The following LAMA1 variants were observed in gnomAD, a reference collection of about 807,000 sequenced individuals.
LAMA1 encodes laminin subunit alpha 1.
LAMA1 carries 219 observed loss-of-function variants against 348.7 expected under a neutral mutation model. That is an observed-to-expected ratio of 0.63 (90% CI 0.56 to 0.70). The LOEUF (loss-of-function observed/expected upper bound fraction) is 0.70, where lower values mean the gene tolerates loss of function less well. LAMA1 is among the 30% of genes least tolerant of loss of function. LAMA1 has a pLI of 0.00. For missense variants in LAMA1, 3,744 were observed against 3,888.0 expected, an observed-to-expected ratio of 0.96 and a Z score of 0.99; for synonymous variants, 1,487 against 1,491.0, an observed-to-expected ratio of 1.00 and a Z score of 0.06.
chr18:6,999,918 A>G lies in LAMA1; in HGVS notation c.4462T>C (p.Cys1488Arg). The G allele has an allele frequency of 8.7e-6, 14 of 1,614,058 alleles. No homozygotes were observed. Among genetic ancestry groups the G allele is most frequent in the Non-Finnish European group, 1.1e-5 (13 of 1,179,902 alleles). Residue 1488 changes from cysteine to arginine, a missense_variant, in exon 31 of 63, where the codon TGT (cysteine) becomes CGT (arginine). By Grantham distance (180) the Cys-to-Arg change is radical. This residue lies in a region of LAMA1 where 1,983 missense variants were observed against 1,934.3 expected (regional missense o/e 1.03). Transcript: ENST00000389658. ...GACAATCCACCCATGTACCTTTCAC[A>G]GTGTTTTCCTTCATAGCCCAGGAGA... ...ACLLGYEGKH[C>R]ERCSSSYYGN...
rs924620693 is a variant in LAMA1, at chr18:6,973,285, C to G, written c.6624-78G>C. 22 of 1,349,984 alleles carry G rather than the reference C, an allele frequency of 1.6e-5. No homozygotes were observed. The African/African-American group carries it at 2.5e-4, about 15-fold the overall frequency. The allele number at this position is 1,349,984 out of a possible 1,614,324, so 83.6% of individuals were successfully genotyped here. A position where few individuals can be genotyped will look rare whatever the true frequency, so the allele number is the denominator to read the frequency against. Reference sequence around the variant, plus strand: ...ACATACAATCCCGTTTCCTTCACACCCACCATCTGCTTCTCCCCAAGGGCC... The same window carrying G: ...ACATACAATCCCGTTTCCTTCACACGCACCATCTGCTTCTCCCCAAGGGCC... On this transcript the variant is annotated intron_variant, in intron 46 of 62. Coordinates refer to ENST00000389658, the MANE Select transcript of LAMA1 (RefSeq NM_005559.4).
chr18:7,111,807 T>C (rs2058337014), intron 1 of LAMA1, among the ~76,000 whole-genome samples: 1 of 152,222 alleles, frequency 6.6e-6, no homozygotes, highest in African/African-American at 2.4e-5. Flanking sequence ...CATCCAAATA[T>C]TTCTGAAGAA....
intron 12 of LAMA1, 118 bp downstream of exon 12, chr18:7,037,460 T>C (rs2058000263): frequency 4.5e-6 from 5 of 1,102,762 alleles, no homozygotes; most frequent in Non-Finnish European, 5.6e-6. Flanking sequence ...GGCTATGAAA[T>C]GCTGTCCAAC....
At chr18:7,002,158 G>T in intron 30 of LAMA1, 106 bp downstream of exon 30, 1 of 1,423,894 alleles carries the variant, frequency 7.0e-7, no homozygotes, top group Non-Finnish European at 9.6e-7. Flanking sequence ...GCAACCAATG[G>T]AGAATATTCA....
At chr18:7,063,206 T>C (rs2058109548) in intron 3 of LAMA1, among the ~76,000 whole-genome samples, 1 of 152,176 alleles carries the variant, frequency 6.6e-6, no homozygotes, top group Admixed American at 6.5e-5. Context: ...GTGTGTAAAA[T>C]TTCACTTTTT....
intron 55 of LAMA1, chr18:6,957,435 T>C (rs1369427900): frequency 6.5e-6 from 1 of 154,094 alleles, no homozygotes; most frequent in Non-Finnish European, 1.4e-5. Flanking sequence ...GCTCTGACAT[T>C]ATGATTGTAT....
chr18:7,038,645 A>C, intron 11 of LAMA1, 165 bp downstream of exon 11: 1 of 883,486 alleles, frequency 1.1e-6, no homozygotes, highest in Non-Finnish European at 1.9e-6. Context: ...CCTATAAAGA[A>C]TCTTGAGAGG....
intron 44 of LAMA1, among the ~76,000 whole-genome samples, chr18:6,976,444 T>C (rs943630995): frequency 3.3e-5 from 5 of 152,180 alleles, no homozygotes; most frequent in African/African-American, 7.2e-5. Context: ...AGAGGTAATA[T>C]ATTTATTCAC....
chr18:7,026,801 C>A (rs1294277685), intron 16 of LAMA1, among the ~76,000 whole-genome samples: 1 of 151,994 alleles, frequency 6.6e-6, no homozygotes, highest in Admixed American at 6.6e-5. Flanking sequence ...ATCAACACAA[C>A]CCTGGCTAAC....
intron 1 of LAMA1, among the ~76,000 whole-genome samples, chr18:7,110,164 G>C (rs1165231871): frequency 6.6e-6 from 1 of 150,894 alleles, no homozygotes; most frequent in Non-Finnish European, 1.5e-5. Context: ...CTGGGTGACA[G>C]AGCAAGACTC....
intron 20 of LAMA1, 58 bp from the exon 21 acceptor site, chr18:7,016,729 T>C: frequency 7.0e-7 from 1 of 1,432,944 alleles, no homozygotes; most frequent in Non-Finnish European, 9.5e-7. Flanking sequence ...AAATGACTCC[T>C]CATATTAGTA....
rs370878013 is a variant in LAMA1 at position 6,958,671 on chromosome 18, C to T, written c.7779-9G>A. The stretch of plus-strand genomic sequence containing the variant: ...ATTGGACAGTGATAATTCTAAAAGA[C>T]CAATGGAGAAAATAAATGAAAAGCT... On this transcript the variant is annotated splice_polypyrimidine_tract_variant and intron_variant, in intron 54 of 62. Transcript: ENST00000389658. 1 of 1,606,786 alleles carries T rather than the reference C, an allele frequency of 6.2e-7. No homozygotes were observed. Among genetic ancestry groups the T allele is most frequent in the South Asian group, 1.1e-5 (1 of 90,926 alleles).
At chr18:7,108,555 C>G (rs571220991) in intron 1 of LAMA1, among the ~76,000 whole-genome samples, 7 of 135,774 alleles carry the variant, frequency 5.2e-5, no homozygotes, top group Admixed American at 2.6e-4. Flanking sequence ...ACTCAGGAGG[C>G]TGAGGCAAGA....
chr18:7,010,986 A>G (rs920741071), intron 25 of LAMA1, among the ~76,000 whole-genome samples: 12 of 152,204 alleles, frequency 7.9e-5, no homozygotes, highest in African/African-American at 2.7e-4. Context: ...TTCGCACCTA[A>G]TGACACATTC....
At chr18:7,061,800 C>T (rs1276901248) in intron 3 of LAMA1, among the ~76,000 whole-genome samples, 4 of 152,194 alleles carry the variant, frequency 2.6e-5, no homozygotes, top group Non-Finnish European at 5.9e-5. Context: ...ACACTCCCTC[C>T]TGCATCACAG....
rs545644976 is a variant in LAMA1, at chr18:7,004,478, G to A, written c.4261-2093C>T. ...AGTGATTCTTCTGCCCCAGCCTCCC[G>A]AGCAGCTGGGATTACATGCATGAGC... On this transcript the variant is annotated intron_variant, in intron 29 of 62. Transcript: ENST00000389658. Among the ~76,000 whole-genome samples the A allele has an allele frequency of 8.5e-4, 129 of 152,136 alleles. 1 individual carries two copies. Among genetic ancestry groups the A allele is most frequent in the African/African-American group, 2.7e-3 (113 of 41,514 alleles).
At chr18:6,954,769 AGACGGGCAG>A in intron 57 of LAMA1, 6 of 184,308 alleles carry the variant, frequency 3.3e-5, no homozygotes, top group South Asian at 1.1e-4. Flanking sequence ...AATGACAACA[AGACGGGCAG>A]GGCATGGCAG....
At chr18:7,077,140 C>G (rs1471121531) in intron 3 of LAMA1, among the ~76,000 whole-genome samples, 1 of 151,502 alleles carries the variant, frequency 6.6e-6, no homozygotes, top group East Asian at 1.9e-4. Flanking sequence ...TATCCTAAAA[C>G]ACTAAAAATT....
intron 3 of LAMA1, among the ~76,000 whole-genome samples, chr18:7,074,967 C>CAAAAAAAAAAAAAA (rs773818069): frequency 1.3e-4 from 7 of 52,268 alleles, no homozygotes; most frequent in Non-Finnish European, 2.3e-4. Flanking sequence ...TACATAGAGG[C>CAAAAAAAAAAAAAA]AAAAAAAAAA....
Sources: gnomAD v4.1 joint callset for allele counts (sites outside exome capture counted in the v4.1 genomes callset) on GRCh38, gnomAD v4.1.1 for gene constraint, gnomAD v4.1.1 regional missense constraint, MANE v1.5 for transcripts, NCBI Gene and HGNC (gene_info 2026-07-23, HGNC 2026-07-21) for gene names.